PCDHA5: variants seen among roughly 807,000 people sequenced by gnomAD.
PCDHA5 encodes protocadherin alpha-5.
Under a neutral mutation model 61.6 loss-of-function variants are expected in PCDHA5, and 43 were observed. The ratio of observed to expected loss-of-function variants is 0.70; its 90% CI spans 0.55 to 0.90. The LOEUF (loss-of-function observed/expected upper bound fraction) is 0.90, where lower values mean the gene tolerates loss of function less well. Among genes scored for constraint, PCDHA5 ranks in the 40% least tolerant of loss-of-function variants. The pLI is 0.00. For missense variants in PCDHA5, 1,298 were observed against 1,222.7 expected (o/e 1.06, Z -0.92); for synonymous variants, 627 against 543.9 (o/e 1.15, Z -2.13).
chr5:140,857,662 T>C lies in PCDHA5; in HGVS notation c.2352+33535T>C, dbSNP rs782577621. The C allele has an allele frequency of 7.5e-6, 12 of 1,596,412 alleles. 2 individuals are homozygous for C. The highest frequency in any genetic ancestry group is 6.7e-5 in the African/African-American group (5 of 74,166). On this transcript the variant is annotated intron_variant, in intron 1 of 3. Transcript: ENST00000529859. ...TACAGTTCCAGGTGAGCGCGCGCGA[T>C]GGGGGCGTGCCGCCTCTGGGCAGCA...
chr5:140,967,019 C>T (rs887648506), intron 1 of PCDHA5: 1 of 1,607,542 alleles, frequency 6.2e-7, no homozygotes, highest in Non-Finnish European at 8.5e-7. Flanking sequence ...TCTGGGTGCG[C>T]CCAGTCCGCG....
At chr5:140,990,736 C>G (rs181451094) in intron 3 of PCDHA5, among the ~76,000 whole-genome samples, 22 of 152,218 alleles carry the variant, frequency 1.4e-4, no homozygotes, top group African/African-American at 5.3e-4. Flanking sequence ...TATCAACAGC[C>G]CTAGGGTGGA....
chr5:140,927,705 C>T (rs2084535217), intron 1 of PCDHA5: 1 of 1,614,100 alleles, frequency 6.2e-7, no homozygotes, highest in African/African-American at 1.3e-5. Flanking sequence ...TCCAGTACTC[C>T]CTAAGCAACA....
intron 1 of PCDHA5, among the ~76,000 whole-genome samples, chr5:140,917,329 GA>G (rs1467900886): frequency 0.012 from 1,654 of 143,658 alleles, 142 homozygotes; most frequent in African/African-American, 0.032. Context: ...TGTGGCGGGG[GA>G]GGGGGGGGAT....
intron 1 of PCDHA5, chr5:140,862,703 A>G (rs2047499886): frequency 3.6e-6 from 2 of 558,206 alleles, no homozygotes; most frequent in East Asian, 4.9e-5. Flanking sequence ...TTGATGGAAC[A>G]GCGGGTGGGC....
chr5:140,968,150 A>C, intron 1 of PCDHA5: 1 of 1,614,180 alleles, frequency 6.2e-7, no homozygotes. Context: ...GATCTCTGAC[A>C]TCAATGACAA....
chr5:140,861,527 G>C (rs1554154863), intron 1 of PCDHA5: 3 of 454,914 alleles, frequency 6.6e-6, no homozygotes, highest in Non-Finnish European at 1.4e-5. Context: ...GGAGGATCTC[G>C]GAGTGCAGCA....
At chr5:140,875,647 C>T (rs1554167823) in intron 1 of PCDHA5, 1 of 1,613,694 alleles carries the variant, frequency 6.2e-7, no homozygotes, top group Non-Finnish European at 8.5e-7. Context: ...GCTGGCGGAG[C>T]TGGTGCCGCG....
At position 140,843,586 on chromosome 5, in the gene PCDHA5, G is replaced by A. The variant is rs2150363126; in HGVS notation, c.2352+19459G>A. 23 of 1,596,010 alleles carry A rather than the reference G, an allele frequency of 1.4e-5. 4 individuals carry two copies. The highest frequency in any genetic ancestry group is 5.4e-5 in the African/African-American group (4 of 74,542). ...GCTGGTCATACTCGCAACAACAGCC[G>A]CAGAGGGTGTGCTCTGGTGAGGGGC... On this transcript the variant is annotated intron_variant, in intron 1 of 3. Coordinates refer to ENST00000529859, the MANE Select transcript of PCDHA5 (RefSeq NM_018908.3).
At chr5:140,967,671 A>G in intron 1 of PCDHA5, 1 of 1,614,130 alleles carries the variant, frequency 6.2e-7, no homozygotes, top group Non-Finnish European at 8.5e-7. Context: ...TACACGTCGG[A>G]CCGGGAGAGG....
intron 1 of PCDHA5, chr5:140,864,831 A>G (rs2048618192): frequency 1.3e-5 from 2 of 152,186 alleles, no homozygotes; most frequent in Non-Finnish European, 2.9e-5. Context: ...GGCTTTAAGT[A>G]TAAGAGAGTC....
At chr5:140,829,005 G>C (rs2150161875) in intron 1 of PCDHA5, 5 of 1,613,588 alleles carry the variant, frequency 3.1e-6, no homozygotes, top group Non-Finnish European at 3.4e-6. Context: ...ATAGTGATTC[G>C]GGGTAATTTG....
At chr5:140,945,190 G>A (rs1372387920) in intron 1 of PCDHA5, among the ~76,000 whole-genome samples, 1 of 152,000 alleles carries the variant, frequency 6.6e-6, no homozygotes, top group Non-Finnish European at 1.5e-5. Flanking sequence ...AGAAAACCAT[G>A]CTATTTACAA....
chr5:140,838,046 T>C (rs1554136765), intron 1 of PCDHA5, among the ~76,000 whole-genome samples: 1 of 150,988 alleles, frequency 6.6e-6, no homozygotes, highest in African/African-American at 2.4e-5. Flanking sequence ...TTCTGCACTT[T>C]TTGGTTTTCC....
chr5:141,009,062 A>G (rs1466818539), intron 3 of PCDHA5, among the ~76,000 whole-genome samples: 1 of 152,240 alleles, frequency 6.6e-6, no homozygotes, highest in East Asian at 1.9e-4. Context: ...TCACAACTGT[A>G]TTCTTTAGGA....
intron 1 of PCDHA5, chr5:140,860,659 T>C (rs1310065546): frequency 1.3e-5 from 2 of 152,224 alleles, no homozygotes; most frequent in Non-Finnish European, 2.9e-5. Context: ...AGTGAAATAA[T>C]ATGAAATCAA....
intron 1 of PCDHA5, among the ~76,000 whole-genome samples, chr5:140,844,046 T>C (rs1373355795): frequency 1.1e-4 from 17 of 149,680 alleles, no homozygotes; most frequent in African/African-American, 3.9e-4. Flanking sequence ...GTGAAAGTAT[T>C]CCCCCAAAGC....
chr5:140,976,679 G>A (rs1314378983), intron 1 of PCDHA5, among the ~76,000 whole-genome samples: 2 of 152,086 alleles, frequency 1.3e-5, no homozygotes, highest in African/African-American at 4.8e-5. Flanking sequence ...TCTCATTTTT[G>A]CAATTTAAGT....
At chr5:140,954,526 G>A (rs2095049912) in intron 1 of PCDHA5, among the ~76,000 whole-genome samples, 1 of 152,184 alleles carries the variant, frequency 6.6e-6, no homozygotes, top group Admixed American at 6.5e-5. Flanking sequence ...GATCAGTGAT[G>A]TTGAGGTTTT....
Sources: allele counts gnomAD v4.1 joint callset (sites outside exome capture counted in the v4.1 genomes callset), GRCh38; gene constraint gnomAD v4.1.1; transcripts MANE v1.5; gene names NCBI Gene and HGNC (gene_info 2026-07-23, HGNC 2026-07-21).